MAGED1: variants seen among roughly 807,000 people sequenced by gnomAD.
The protein encoded by MAGED1 is MAGE family member D1, also known as melanoma-associated antigen D1.
In MAGED1, 3 loss-of-function variants were observed where a neutral mutation model predicts 54.1. The ratio of observed to expected loss-of-function variants is 0.06; its 90% CI spans 0.03 to 0.14. The LOEUF (loss-of-function observed/expected upper bound fraction) is 0.14, where lower values mean the gene tolerates loss of function less well. MAGED1 is among the 10% of genes least tolerant of loss of function. The probability of loss-of-function intolerance (pLI) is 1.00; values close to 1 mark genes in which losing one functional copy is unlikely to be tolerated. For missense variants in MAGED1, 485 were observed against 623.4 expected (o/e 0.78, Z 2.36); for synonymous variants, 217 against 227.3 (o/e 0.95, Z 0.41).
At chrX:51,872,009 A>G (rs1927695344) in intron 1 of MAGED1, among the ~76,000 whole-genome samples, 1 of 110,767 alleles carries the variant, frequency 9.0e-6, no homozygotes, top group African/African-American at 3.3e-5. Flanking sequence ...TTTGATTTGC[A>G]TTTCTCTGAT....
chrX:51,835,839 C>T (rs1406715103), intron 1 of MAGED1, among the ~76,000 whole-genome samples: 5 of 111,673 alleles, frequency 4.5e-5, no homozygotes, highest in Admixed American at 2.8e-4. Flanking sequence ...TTCTCTCATC[C>T]GCTTTGGGGA....
Position 51,895,539 on chromosome X carries a change from A to G in MAGED1, c.532A>G (p.Lys178Glu). The G allele has an allele frequency of 2.5e-6, 3 of 1,211,514 alleles. No individual in the cohort carries two copies. The highest frequency in any genetic ancestry group is 3.4e-6 in the Non-Finnish European group (3 of 895,309). ...NANDLANSRP[K>E]TPFKAWNDTT... ...CAATGACCTGGCCAACAGCAGGCCTAAGACCCCTTTCAAGGCTTGGAATGA... is the reference window on the plus strand; with the variant it reads ...CAATGACCTGGCCAACAGCAGGCCTGAGACCCCTTTCAAGGCTTGGAATGA... The change falls in exon 3 of 13, where the codon AAG becomes GAG. Residue 178 changes from lysine (K) to glutamate (E), a missense_variant. By Grantham distance (56) the Lys-to-Glu change is moderately conservative (BLOSUM62 1). Around this residue, in one of 2 missense-constraint regions of MAGED1, gnomAD observed 299 missense variants for 293.1 expected, o/e 1.02. Transcript: ENST00000326587.
chrX:51,891,222 G>C (rs1409387092), upstream of MAGED1, among the ~76,000 whole-genome samples: 1 of 112,591 alleles, frequency 8.9e-6, no homozygotes, highest in African/African-American at 3.2e-5. Flanking sequence ...ACAAGTGTTT[G>C]GCAGGTGAAG....
intron 6 of MAGED1, 40 bp downstream of exon 6, chrX:51,897,666 G>A: frequency 8.7e-7 from 1 of 1,151,637 alleles, no homozygotes; most frequent in Middle Eastern, 2.4e-4. Context: ...AATGGGGAAA[G>A]TCTTGATTTC....
intron 1 of MAGED1, among the ~76,000 whole-genome samples, chrX:51,846,288 G>A (rs1557359272): frequency 8.9e-6 from 1 of 111,799 alleles, no homozygotes; most frequent in African/African-American, 3.3e-5. Flanking sequence ...TATAAGGGAG[G>A]CAGGAGATTT....
At chrX:51,859,390 T>C (rs1209005915) in intron 1 of MAGED1, among the ~76,000 whole-genome samples, 1 of 111,600 alleles carries the variant, frequency 9.0e-6, no homozygotes, top group Non-Finnish European at 1.9e-5. Context: ...CTGGCTTATA[T>C]GGTACCTTTG....
chrX:51,818,193 G>A (rs1304153443), intron 1 of MAGED1, among the ~76,000 whole-genome samples: 6 of 111,725 alleles, frequency 5.4e-5, no homozygotes, highest in South Asian at 3.8e-4. Context: ...TGTCATCCTT[G>A]GACCTGTTTT....
intron 2 of MAGED1, 198 bp from the exon 3 acceptor site, chrX:51,894,855 C>G (rs1369876206): frequency 1.8e-6 from 2 of 1,083,087 alleles, no homozygotes; most frequent in African/African-American, 3.8e-5. Context: ...CTACTTCACC[C>G]CTGCCACATG....
At chrX:51,805,117 C>G (rs1924982711) in intron 1 of MAGED1, among the ~76,000 whole-genome samples, 1 of 111,966 alleles carries the variant, frequency 8.9e-6, no homozygotes, top group Non-Finnish European at 1.9e-5. Context: ...ATATTCACCT[C>G]ATCCTCAGTT....
chrX:51,897,965 A>C, intron 7 of MAGED1, 79 bp downstream of exon 7: 9 of 911,692 alleles, frequency 9.9e-6, no homozygotes, highest in Non-Finnish European at 1.3e-5. Flanking sequence ...ATCAGGGTCC[A>C]GGGTTCAGGG....
At chrX:51,828,460 G>GT (rs1213822426) in intron 1 of MAGED1, among the ~76,000 whole-genome samples, 73 of 105,416 alleles carry the variant, frequency 6.9e-4, no homozygotes, top group South Asian at 1.2e-3. Flanking sequence ...CTGACATGTT[G>GT]TTTTTTTTTT....
intron 1 of MAGED1, among the ~76,000 whole-genome samples, chrX:51,858,605 C>T (rs978910224): frequency 8.9e-6 from 1 of 111,824 alleles, no homozygotes; most frequent in East Asian, 2.8e-4. Flanking sequence ...ATGGAAAGCA[C>T]AGGCTCTGGG....
intron 1 of MAGED1, among the ~76,000 whole-genome samples, chrX:51,805,446 TTCTC>T (rs1382569369): frequency 7.2e-5 from 8 of 110,425 alleles, no homozygotes; most frequent in African/African-American, 2.6e-4. Context: ...CCTGGTCTGG[TTCTC>T]TCTATCTGTT....
At chrX:51,825,552 T>C (rs1411741200) in intron 1 of MAGED1, among the ~76,000 whole-genome samples, 2 of 112,175 alleles carry the variant, frequency 1.8e-5, no homozygotes, top group Non-Finnish European at 3.8e-5. Flanking sequence ...TTAGCCATCA[T>C]TGGATAAAGA....
intron 1 of MAGED1, among the ~76,000 whole-genome samples, chrX:51,820,924 C>G (rs1925603309): frequency 9.0e-6 from 1 of 111,535 alleles, no homozygotes; most frequent in Non-Finnish European, 1.9e-5. Flanking sequence ...CCACTTTTTC[C>G]CTCTACTCTC....
At position 51,898,201 on chromosome X, in the gene MAGED1, G is replaced by A; in HGVS notation, c.1738+8G>A. The A allele has an allele frequency of 8.3e-7, 1 of 1,210,080 alleles. No homozygotes were observed. Among genetic ancestry groups the A allele is most frequent in the South Asian group, 1.8e-5 (1 of 56,903 alleles). Reference sequence around the variant, plus strand: ...GCAACCGTGCCAGTGAGGGTGAGTGGCTGGACCTGCAGCTGGGGGTTGGCC... The same window carrying A: ...GCAACCGTGCCAGTGAGGGTGAGTGACTGGACCTGCAGCTGGGGGTTGGCC... On this transcript the variant is annotated splice_region_variant and intron_variant, in intron 8 of 12. Coordinates refer to ENST00000326587, the MANE Select transcript of MAGED1 (RefSeq NM_006986.4).
chrX:51,895,942 C>T (rs192561660), intron 3 of MAGED1, among the ~76,000 whole-genome samples, 182 bp downstream of exon 3: 107 of 112,518 alleles, frequency 9.5e-4, no homozygotes, highest in African/African-American at 3.3e-3. Flanking sequence ...AATACATGGA[C>T]ACAAATAATA....
At chrX:51,880,813 C>T (rs1557362417) in intron 1 of MAGED1, among the ~76,000 whole-genome samples, 1 of 111,186 alleles carries the variant, frequency 9.0e-6, no homozygotes, top group Non-Finnish European at 1.9e-5. Flanking sequence ...TGTGATTCTA[C>T]TTCATTTCTT....
chrX:51,848,631 A>C (rs1218069486), intron 1 of MAGED1, among the ~76,000 whole-genome samples: 1 of 111,892 alleles, frequency 8.9e-6, no homozygotes, highest in Non-Finnish European at 1.9e-5. Context: ...GCATTTGCAC[A>C]AACTATCTGA....
Sources: allele counts gnomAD v4.1 joint callset (sites outside exome capture counted in the v4.1 genomes callset), GRCh38; gene constraint gnomAD v4.1.1; regional missense constraint gnomAD v4.1.1; transcripts MANE v1.5; gene names NCBI Gene and HGNC (gene_info 2026-07-23, HGNC 2026-07-21).